The following NLGN1 variants were observed in gnomAD, a reference collection of about 807,000 sequenced individuals.
NLGN1 encodes the protein neuroligin 1.
In NLGN1, 12 loss-of-function variants were observed where a neutral mutation model predicts 65.5. That is an observed-to-expected ratio of 0.18 (90% CI 0.12 to 0.30). The LOEUF (loss-of-function observed/expected upper bound fraction) is 0.30. Ranked by LOEUF, NLGN1 falls within the 10% of genes least tolerant of loss-of-function variation. NLGN1 has a pLI of 1.00. For synonymous variants in NLGN1, 350 were observed against 359.5 expected (o/e 0.97, Z 0.30); for missense variants, 750 against 1,007.1 (o/e 0.74, Z 3.46).
chr3:173,713,596 T>C (rs1452079695), intron 3 of NLGN1, among the ~76,000 whole-genome samples: 5 of 152,146 alleles, frequency 3.3e-5, no homozygotes, highest in African/African-American at 1.2e-4. Context: ...TCTGTACAGA[T>C]ATTTTCTAGC....
At chr3:174,067,080 A>T (rs1047380258) in intron 4 of NLGN1, among the ~76,000 whole-genome samples, 2 of 152,150 alleles carry the variant, frequency 1.3e-5, no homozygotes, top group Non-Finnish European at 2.9e-5. Context: ...GAGAGAAGTT[A>T]CCTTAAATAA....
At chr3:173,712,458 A>G (rs572105813) in intron 3 of NLGN1, among the ~76,000 whole-genome samples, 1 of 152,270 alleles carries the variant, frequency 6.6e-6, no homozygotes, top group Non-Finnish European at 1.5e-5. Context: ...AGTGGTTAAG[A>G]TTTAGGATCT....
At chr3:173,665,491 T>C (rs2149708933) in intron 3 of NLGN1, among the ~76,000 whole-genome samples, 1 of 152,290 alleles carries the variant, frequency 6.6e-6, no homozygotes, top group Admixed American at 6.5e-5. Context: ...ATGGCACAAC[T>C]GTCGAGCCAT....
In NLGN1 at chr3:173,625,154, A is replaced by G. The variant is rs550392185; in HGVS notation, c.493+20063A>G. On this transcript the variant is annotated intron_variant, in intron 3 of 6. Transcript: ENST00000457714. ...TCAAGGAACTGGGGATACCACTGTC[A>G]GAAGTCCCACTCTTTTTTAATTTTG... Among the ~76,000 whole-genome samples, 4 of 152,280 alleles carry G rather than the reference A, an allele frequency of 2.6e-5. No individual in the cohort carries two copies. In the East Asian group the frequency reaches 5.8e-4, roughly 22 times the overall value.
chr3:173,402,664 T>A (rs1016729569), intron 1 of NLGN1, among the ~76,000 whole-genome samples: 1 of 152,100 alleles, frequency 6.6e-6, no homozygotes. Flanking sequence ...GAGCCAAACA[T>A]CACCTCTTCT....
intron 2 of NLGN1, among the ~76,000 whole-genome samples, chr3:173,436,540 G>T (rs371899766): frequency 9.0e-4 from 137 of 152,286 alleles, no homozygotes; most frequent in African/African-American, 3.1e-3. Flanking sequence ...TTTAGGCGTG[G>T]TTTAACTATG....
At chr3:173,397,312 T>A (rs1716776375), upstream of NLGN1, among the ~76,000 whole-genome samples, 1 of 152,170 alleles carries the variant, frequency 6.6e-6, no homozygotes, top group Non-Finnish European at 1.5e-5. Context: ...TGACACTAAA[T>A]TTCCTTTTAA....
Position 173,879,895 on chromosome 3 carries a change from TA to T in NLGN1, c.646+72067del, listed in dbSNP as rs781477177. ...ACAAAATTTCATGTAAATGAATTCT[TA>T]AAAGCATTTCTCAAGTGTATTTTAA... is the stretch of plus-strand genomic sequence containing the variant. On this transcript the variant is annotated intron_variant, in intron 4 of 6. Transcript: ENST00000457714. Among the ~76,000 whole-genome samples the T allele has an allele frequency of 1.7e-3, 263 of 152,318 alleles. 1 individual carries two copies. The highest frequency in any genetic ancestry group is 3.1e-3 in the Non-Finnish European group (212 of 68,024).
At chr3:173,531,530 C>T (rs1736564530) in intron 2 of NLGN1, among the ~76,000 whole-genome samples, 1 of 149,822 alleles carries the variant, frequency 6.7e-6, no homozygotes, top group East Asian at 2.0e-4. Flanking sequence ...TTTTATTTTT[C>T]TTAAAAATTG....
At chr3:173,900,629 T>C (rs1225759309) in intron 4 of NLGN1, among the ~76,000 whole-genome samples, 1 of 152,072 alleles carries the variant, frequency 6.6e-6, no homozygotes, top group Non-Finnish European at 1.5e-5. Context: ...TTCCAATTTT[T>C]AATAGGCAAG....
At chr3:174,090,497 C>T (rs79004267) in intron 4 of NLGN1, among the ~76,000 whole-genome samples, 1,915 of 151,896 alleles carry the variant, frequency 0.013, 37 homozygotes, top group African/African-American at 0.043. Flanking sequence ...GAAAAAGAGA[C>T]TAAGACAGTA....
intron 4 of NLGN1, among the ~76,000 whole-genome samples, chr3:173,850,007 CAT>C (rs1431047656): frequency 2.0e-5 from 3 of 151,956 alleles, no homozygotes; most frequent in Non-Finnish European, 4.4e-5. Flanking sequence ...CATATATACA[CAT>C]GATTTCATAT....
chr3:173,514,404 A>G (rs773154951), intron 2 of NLGN1, among the ~76,000 whole-genome samples: 15 of 152,066 alleles, frequency 9.9e-5, no homozygotes, highest in Non-Finnish European at 1.9e-4. Context: ...CCCTACCCCA[A>G]GTACCCAAAG....
At chr3:173,859,430 A>G (rs1728639555) in intron 4 of NLGN1, among the ~76,000 whole-genome samples, 1 of 152,096 alleles carries the variant, frequency 6.6e-6, no homozygotes, top group South Asian at 2.1e-4. Flanking sequence ...CTGTTTGTCC[A>G]TACCATTAGC....
intron 4 of NLGN1, among the ~76,000 whole-genome samples, chr3:174,168,826 T>C (rs1357400849): frequency 6.6e-6 from 1 of 152,078 alleles, no homozygotes; most frequent in African/African-American, 2.4e-5. Context: ...AGCCAGTGGG[T>C]GGCCTAAGAC....
At chr3:173,787,930 A>G (rs1711572917) in intron 3 of NLGN1, among the ~76,000 whole-genome samples, 1 of 152,240 alleles carries the variant, frequency 6.6e-6, no homozygotes, top group Admixed American at 6.5e-5. Flanking sequence ...AAATAGAGCT[A>G]GAACATTGAA....
chr3:173,659,622 T>TTATA (rs1021893133), intron 3 of NLGN1, among the ~76,000 whole-genome samples: 2 of 151,798 alleles, frequency 1.3e-5, no homozygotes, highest in African/African-American at 4.8e-5. Flanking sequence ...ATTGGGTTTA[T>TTATA]TATATATATA....
intron 1 of NLGN1, among the ~76,000 whole-genome samples, chr3:173,414,589 A>G (rs548092841): frequency 1.3e-5 from 2 of 152,112 alleles, no homozygotes; most frequent in African/African-American, 4.8e-5. Flanking sequence ...ATGTGAAAAA[A>G]AAAAAAGCAC....
At chr3:173,999,728 G>A (rs1406974696) in intron 4 of NLGN1, among the ~76,000 whole-genome samples, 1 of 152,024 alleles carries the variant, frequency 6.6e-6, no homozygotes, top group Non-Finnish European at 1.5e-5. Flanking sequence ...CCCAAAGCTG[G>A]TATTACCCAG....
Sources: allele counts gnomAD v4.1 joint callset (sites outside exome capture counted in the v4.1 genomes callset), GRCh38; gene constraint gnomAD v4.1.1; transcripts MANE v1.5; gene names NCBI Gene and HGNC (gene_info 2026-07-23, HGNC 2026-07-21).